MAP9: variants seen among roughly 807,000 people sequenced by gnomAD.
MAP9 encodes the protein microtubule-associated protein 9.
MAP9 carries 80 observed loss-of-function variants against 75.2 expected under a neutral mutation model. That is an observed-to-expected ratio of 1.06 (90% CI 0.89 to 1.28). MAP9 has a LOEUF of 1.28. Among genes scored for constraint, MAP9 ranks in the 50% most tolerant of loss-of-function variants. The pLI is 0.00. For missense variants in MAP9, 753 were observed against 719.9 expected (o/e 1.05, Z -0.53); for synonymous variants, 235 against 237.3 (o/e 0.99, Z 0.09).
Position 155,345,649 on chromosome 4 carries a change from T to C in MAP9, c.*2134A>G, listed in dbSNP as rs750476051. ...CAACAATGAACATTTAAGTCCTTAT[T>C]ATGTGTCAAATAGTTTACATTAATT... On this transcript the variant is annotated 3_prime_UTR_variant, in exon 14 of 14. Transcript: ENST00000311277. The C allele has an allele frequency of 6.6e-6, 1 of 152,116 alleles. No homozygotes were observed. Among genetic ancestry groups the C allele is most frequent in the African/African-American group, 2.4e-5 (1 of 41,458 alleles). 9.4% of individuals were successfully genotyped at this position (152,116 alleles called of 1,614,324 possible).
At chr4:155,368,419 G>A (rs961138207) in intron 5 of MAP9, 167 bp downstream of exon 5, 13 of 647,424 alleles carry the variant, frequency 2.0e-5, no homozygotes, top group Non-Finnish European at 3.6e-5. Flanking sequence ...TTTAGACTCG[G>A]TGGAATACAG....
Position 155,355,849 on chromosome 4 carries a change from G to A in MAP9, c.1157C>T (p.Ser386Phe), listed in dbSNP as rs1304946533. ...AGTTGTCGATGGAGTTCTCCTTTTA[G>A]AACTAGATTTCTTCAAAAACTCAGA... ...MTSEFLKKSSSKRRTPSTTTS... is the reference protein window; with the variant it reads ...MTSEFLKKSSFKRRTPSTTTS... The change falls in exon 9 of 14, where the codon TCT becomes TTT. Residue 386 changes from serine (S) to phenylalanine (F), a missense_variant. By Grantham distance (155) the Ser-to-Phe change is radical. Transcript: ENST00000311277. 1 of 1,613,488 alleles carries A rather than the reference G, an allele frequency of 6.2e-7. No homozygotes were observed. The highest frequency in any genetic ancestry group is 1.1e-5 in the South Asian group (1 of 91,054).
rs1013927309 is a variant in MAP9, at chr4:155,346,962, A to C, written c.*821T>G. The C allele has an allele frequency of 1.3e-5, 2 of 152,500 alleles. No homozygotes were observed. Among genetic ancestry groups the C allele is most frequent in the East Asian group, 3.8e-4 (2 of 5,200 alleles). 9.4% of individuals were successfully genotyped at this position (152,500 alleles called of 1,614,324 possible). A position where few individuals can be genotyped will look rare whatever the true frequency, so the allele number is the denominator to read the frequency against. ...CTAGCTAAGATGACAATAATTGCCT[A>C]AATCACCTTTATGGCTTTAGTCAGG... On this transcript the variant is annotated 3_prime_UTR_variant, in exon 14 of 14. Transcript: ENST00000311277.
chr4:155,354,470 C>CTTTTTTTTTTTTTTTTTTT (rs11370097), intron 10 of MAP9: 1 of 126,502 alleles, frequency 7.9e-6, no homozygotes, highest in Non-Finnish European at 1.6e-5. Context: ...CTTGTCGTGC[C>CTTTTTTTTTTTTTTTTTTT]TTTTTTTTTT....
At chr4:155,375,070 T>C (rs1475088657) in intron 2 of MAP9, 49 bp from the exon 3 acceptor site, 3 of 1,308,370 alleles carry the variant, frequency 2.3e-6, no homozygotes, top group Non-Finnish European at 3.2e-6. Context: ...GGAGGTATCA[T>C]ATTCACAAGT....
Position 155,346,563 on chromosome 4 carries a change from A to G in MAP9, c.*1220T>C, listed in dbSNP as rs1731294030. On this transcript the variant is annotated 3_prime_UTR_variant, in exon 14 of 14. Transcript: ENST00000311277. ...CTCAGGCACACTCCAGATGGACGGT[A>G]AGTTACTTGGTTTATCTGAGCGCCA... 1 of 152,146 alleles carries G rather than the reference A, an allele frequency of 6.6e-6. No individual in the cohort carries two copies. The highest frequency in any genetic ancestry group is 2.4e-5 in the African/African-American group (1 of 41,428). 9.4% of individuals were successfully genotyped at this position (152,146 alleles called of 1,614,324 possible).
At chr4:155,351,064 G>A (rs997575309) in intron 13 of MAP9, 1 of 151,866 alleles carries the variant, frequency 6.6e-6, no homozygotes, top group African/African-American at 2.4e-5. Context: ...TGGTCAGAAA[G>A]ACTGTGAAAG....
intron 5 of MAP9, 25 bp from the exon 6 acceptor site, chr4:155,362,166 T>C: frequency 7.4e-7 from 1 of 1,349,590 alleles, no homozygotes; most frequent in Non-Finnish European, 1.0e-6. Context: ...AAAAATACAT[T>C]TGCCACATAA....
chr4:155,371,032 A>G (rs570319799), intron 4 of MAP9, among the ~76,000 whole-genome samples: 35 of 152,196 alleles, frequency 2.3e-4, no homozygotes, highest in Non-Finnish European at 3.4e-4. Flanking sequence ...AGATTAAAGG[A>G]GAAGCATCCT....
chr4:155,357,345 A>AT lies in MAP9; in HGVS notation c.1121+103_1121+104insA, dbSNP rs781667316. The AT allele has an allele frequency of 1.9e-4, 144 of 773,268 alleles. No individual in the cohort carries two copies. In the African/African-American group the frequency reaches 2.2e-3, roughly 12 times the overall value. The allele number at this position is 773,268 out of a possible 1,614,324, so 47.9% of individuals were successfully genotyped here. A position where few individuals can be genotyped will look rare whatever the true frequency, so the allele number is the denominator to read the frequency against. On this transcript the variant is annotated intron_variant, in intron 8 of 13. Transcript: ENST00000311277. ...CATTTTATGAAATGGAAATAAAAAG[A>AT]AAATACAGTAACACCAAATGAAATT...
At chr4:155,348,657 G>T (rs1340784039) in intron 13 of MAP9, among the ~76,000 whole-genome samples, 1 of 152,040 alleles carries the variant, frequency 6.6e-6, no homozygotes, top group African/African-American at 2.4e-5. Flanking sequence ...TTGAACTTGA[G>T]CACATTTTCA....
rs1731170238 is a variant in MAP9, at chr4:155,343,128, C to A, written c.*4655G>T. On this transcript the variant is annotated 3_prime_UTR_variant, in exon 14 of 14. Coordinates refer to ENST00000311277, the MANE Select transcript of MAP9 (RefSeq NM_001039580.2). ...TACCAAATATGTAGTCTGACTCATT[C>A]TTATTTCAAATAATAAAAAATATGT... 6.6e-6 allele frequency: 1 copy of A among 151,586 alleles called. No homozygotes were observed. The highest frequency in any genetic ancestry group is 1.5e-5 in the Non-Finnish European group (1 of 67,812). 9.4% of individuals were successfully genotyped at this position (151,586 alleles called of 1,614,324 possible). A position where few individuals can be genotyped will look rare whatever the true frequency, so the allele number is the denominator to read the frequency against.
chr4:155,350,282 G>A (rs762270195), intron 13 of MAP9: 6 of 450,752 alleles, frequency 1.3e-5, no homozygotes, highest in Admixed American at 2.4e-5. Context: ...AAGGAGAACC[G>A]ATCTGTAACA....
At position 155,344,795 on chromosome 4, in the gene MAP9, T is replaced by C. The variant is rs532520925; in HGVS notation, c.*2988A>G. The C allele has an allele frequency of 1.8e-4, 27 of 152,062 alleles. No individual in the cohort carries two copies. Among genetic ancestry groups the C allele is most frequent in the African/African-American group, 6.5e-4 (27 of 41,568 alleles). The allele number at this position is 152,062 out of a possible 1,614,324, so 9.4% of individuals were successfully genotyped here. ...ATTATTATGAAATTTAAATTCTGTATACTACTTTATTATTTAGTATTAATA... is the reference window on the plus strand; with the variant it reads ...ATTATTATGAAATTTAAATTCTGTACACTACTTTATTATTTAGTATTAATA... On this transcript the variant is annotated 3_prime_UTR_variant, in exon 14 of 14. Coordinates refer to ENST00000311277, the MANE Select transcript of MAP9 (RefSeq NM_001039580.2).
intron 13 of MAP9, chr4:155,350,288 T>TA: frequency 2.2e-6 from 1 of 449,714 alleles, no homozygotes; most frequent in Non-Finnish European, 4.4e-6. Flanking sequence ...AACCGATCTG[T>TA]AACATGTATG....
At chr4:155,355,037 T>C in intron 10 of MAP9, 34 bp downstream of exon 10, 5 of 1,020,146 alleles carry the variant, frequency 4.9e-6, no homozygotes, top group Non-Finnish European at 7.1e-6. Context: ...GAAATAAAAA[T>C]CCAAAACATT....
intron 9 of MAP9, 117 bp downstream of exon 9, chr4:155,355,599 C>T (rs1560805857): frequency 2.7e-6 from 2 of 743,262 alleles, no homozygotes; most frequent in Admixed American, 6.7e-5. Flanking sequence ...AACTCTTTCT[C>T]AATAAATTTA....
chr4:155,358,774 T>C (rs1731923055), intron 7 of MAP9, among the ~76,000 whole-genome samples: 2 of 151,942 alleles, frequency 1.3e-5, no homozygotes, highest in Admixed American at 6.6e-5. Context: ...ATGAATAGAC[T>C]TTTTGAAAAG....
chr4:155,369,278 G>A (rs1431926277), intron 4 of MAP9, among the ~76,000 whole-genome samples: 3 of 147,538 alleles, frequency 2.0e-5, no homozygotes, highest in East Asian at 4.0e-4. Flanking sequence ...AGCCGAGATC[G>A]AGATCACACC....
Sources: allele counts gnomAD v4.1 joint callset (sites outside exome capture counted in the v4.1 genomes callset), GRCh38; gene constraint gnomAD v4.1.1; transcripts MANE v1.5; gene names NCBI Gene and HGNC (gene_info 2026-07-23, HGNC 2026-07-21).